PLEKHD1: variants seen among roughly 807,000 people sequenced by gnomAD.
PLEKHD1 encodes pleckstrin homology domain-containing family D member 1.
In PLEKHD1, 51 loss-of-function variants were observed where a neutral mutation model predicts 69.2. The ratio of observed to expected loss-of-function variants is 0.74; its 90% CI spans 0.59 to 0.93. The LOEUF is 0.93. Ranked by LOEUF, PLEKHD1 falls within the 40% of genes least tolerant of loss-of-function variation. The pLI is 0.00. For missense variants in PLEKHD1, 584 were observed against 641.0 expected (o/e 0.91, Z 0.96); for synonymous variants, 236 against 244.7 (o/e 0.96, Z 0.33).
rs995759178 is a variant in PLEKHD1, at chr14:69,524,241, G to A, written c.663G>A (p.Leu221=). The change falls in exon 8 of 13, where the codon CTG becomes CTA. Residue 221 remains leucine, a synonymous_variant. Transcript: ENST00000322564. ...EQEQIKRELE[L]TARCLKGVEQ... ...TCTGTCTCCACAGGGAGCTGGAACT[G>A]ACTGCAAGATGCCTTAAGGGTGTAG... is the stretch of plus-strand genomic sequence containing the variant. 4 of 1,551,534 alleles carry A rather than the reference G, an allele frequency of 2.6e-6. No individual in the cohort carries two copies. The highest frequency in any genetic ancestry group is 2.7e-5 in the African/African-American group (2 of 73,146).
Position 69,527,290 on chromosome 14 carries a change from GAGA to G in PLEKHD1, c.1162_1164del (p.Lys388del). On this transcript the variant is annotated inframe_deletion, in exon 11 of 13. Transcript: ENST00000322564. ...GCTGAATTCCAAGGTGCGGAATAAG[GAGA>G]AGGAGGAGAGGATGCGGGCTGATGT... 5 of 1,551,804 alleles carry G rather than the reference GAGA, an allele frequency of 3.2e-6. No homozygotes were observed. Among genetic ancestry groups the G allele is most frequent in the Non-Finnish European group, 3.5e-6 (4 of 1,147,012 alleles).
chr14:69,505,097 T>G (rs1000656192), intron 6 of PLEKHD1, among the ~76,000 whole-genome samples: 6 of 152,176 alleles, frequency 3.9e-5, no homozygotes, highest in African/African-American at 1.4e-4. Flanking sequence ...CAGGCCTCCC[T>G]TAATGCCACA....
chr14:69,513,407 G>A (rs1594986796), intron 6 of PLEKHD1, among the ~76,000 whole-genome samples: 2 of 152,080 alleles, frequency 1.3e-5, no homozygotes, highest in East Asian at 3.8e-4. Flanking sequence ...GTGACATATA[G>A]GAATCGGAAG....
At chr14:69,499,449 T>C (rs1882973262) in intron 1 of PLEKHD1, among the ~76,000 whole-genome samples, 1 of 152,164 alleles carries the variant, frequency 6.6e-6, no homozygotes, top group African/African-American at 2.4e-5. Context: ...GCTCCAAACA[T>C]GAGTCCTGGG....
chr14:69,491,832 C>G (rs1306477645), intron 1 of PLEKHD1, among the ~76,000 whole-genome samples: 4 of 152,190 alleles, frequency 2.6e-5, no homozygotes, highest in African/African-American at 7.2e-5. Context: ...TTGGATGGCA[C>G]CTGTGCCACT....
intron 6 of PLEKHD1, among the ~76,000 whole-genome samples, chr14:69,511,568 G>A (rs1038655459): frequency 2.0e-5 from 3 of 148,146 alleles, no homozygotes; most frequent in African/African-American, 7.5e-5. Flanking sequence ...TTCTTTTTTT[G>A]AGACAGAGTC....
At chr14:69,478,949 GGACTA>G in the PLEKHD1 span, among the ~76,000 whole-genome samples, 1 of 152,168 alleles carries the variant, frequency 6.6e-6, no homozygotes, top group East Asian at 1.9e-4. Flanking sequence ...ACAGGGCCAG[GGACTA>G]GACTGTGAAG....
chr14:69,498,267 CAG>C (rs1002213497), intron 1 of PLEKHD1, among the ~76,000 whole-genome samples: 7 of 151,592 alleles, frequency 4.6e-5, no homozygotes, highest in Non-Finnish European at 8.8e-5. Context: ...TTAGTAGAGA[CAG>C]AGTTTTACCA....
intron 2 of PLEKHD1, 94 bp downstream of exon 2, chr14:69,500,302 C>G: frequency 9.1e-7 from 1 of 1,093,424 alleles, no homozygotes; most frequent in Non-Finnish European, 1.3e-6. Flanking sequence ...CGCTCTTGCT[C>G]TGGCCTAGCA....
chr14:69,519,883 C>T (rs1411078983), intron 6 of PLEKHD1, among the ~76,000 whole-genome samples: 1 of 152,036 alleles, frequency 6.6e-6, no homozygotes, highest in Non-Finnish European at 1.5e-5. Context: ...GGCGCCTGGC[C>T]GCGCACGGTG....
chr14:69,518,166 G>A (rs1473447280), intron 6 of PLEKHD1, among the ~76,000 whole-genome samples: 3 of 152,020 alleles, frequency 2.0e-5, no homozygotes, highest in African/African-American at 7.3e-5. Flanking sequence ...CAAGTAGCTG[G>A]AACTACTACA....
At chr14:69,498,355 A>T (rs1882937685) in intron 1 of PLEKHD1, among the ~76,000 whole-genome samples, 1 of 152,040 alleles carries the variant, frequency 6.6e-6, no homozygotes, top group Non-Finnish European at 1.5e-5. Flanking sequence ...CTGGGATTAC[A>T]GGTGTGAGCC....
In PLEKHD1 at chr14:69,527,916, C is replaced by A; in HGVS notation, c.1335C>A (p.Ser445Arg). The change falls in exon 12 of 13, where the codon AGC becomes AGA. Residue 445 changes from serine to arginine, a missense_variant. By Grantham distance (110) the Ser-to-Arg change is moderately radical. Transcript: ENST00000322564. Reference sequence around the variant, plus strand: ...GCCGCTTCCACCGACGCCGGTCCAGCACCTCCTGGAATGACAGTGAGTGTG... The same window carrying A: ...GCCGCTTCCACCGACGCCGGTCCAGAACCTCCTGGAATGACAGTGAGTGTG... ...KSCRFHRRRS[S>R]TSWNDMKPSQ... The A allele has an allele frequency of 1.3e-6, 2 of 1,551,584 alleles. No homozygotes were observed. Among genetic ancestry groups the A allele is most frequent in the Non-Finnish European group, 1.7e-6 (2 of 1,147,008 alleles).
chr14:69,490,638 C>T (rs995225885), intron 1 of PLEKHD1, among the ~76,000 whole-genome samples: 31 of 152,184 alleles, frequency 2.0e-4, no homozygotes, highest in Non-Finnish European at 4.4e-5. Context: ...TGTCATGACT[C>T]ATGCATTTCA....
At chr14:69,500,064 A>G in intron 1 of PLEKHD1, 51 bp from the exon 2 acceptor site, 14 of 1,322,022 alleles carry the variant, frequency 1.1e-5, no homozygotes, top group Non-Finnish European at 1.5e-5. Flanking sequence ...GTCCCAAGAA[A>G]CCTCACCCCT....
At chr14:69,504,700 T>C (rs1463346969) in intron 6 of PLEKHD1, among the ~76,000 whole-genome samples, 3 of 152,194 alleles carry the variant, frequency 2.0e-5, no homozygotes, top group Admixed American at 6.5e-5. Flanking sequence ...AATCATTTCA[T>C]TGATTAAAGA....
intron 4 of PLEKHD1, 96 bp downstream of exon 4, chr14:69,501,043 G>C: frequency 7.7e-7 from 1 of 1,292,662 alleles, no homozygotes; most frequent in Non-Finnish European, 1.1e-6. Context: ...GATCCTGGTG[G>C]GCACAGGGCC....
chr14:69,519,877 C>T (rs376618388), intron 6 of PLEKHD1, among the ~76,000 whole-genome samples: 119 of 152,258 alleles, frequency 7.8e-4, no homozygotes, highest in African/African-American at 2.8e-3. Context: ...AAGCTGGGCG[C>T]CTGGCCGCGC....
chr14:69,516,766 C>G (rs112674279), intron 6 of PLEKHD1, among the ~76,000 whole-genome samples: 3,422 of 152,208 alleles, frequency 0.022, 56 homozygotes, highest in Middle Eastern at 0.051. Context: ...ACCTCCTGGG[C>G]TCAAGTGATC....
Sources: allele counts gnomAD v4.1 joint callset (sites outside exome capture counted in the v4.1 genomes callset), GRCh38; gene constraint gnomAD v4.1.1; transcripts MANE v1.5; gene names NCBI Gene and HGNC (gene_info 2026-07-23, HGNC 2026-07-21).